Variants in SACM1L observed in about 807,000 individuals in gnomAD.
SACM1L encodes the protein SAC1 like phosphatidylinositide phosphatase.
Under a neutral mutation model 89.5 loss-of-function variants are expected in SACM1L, and 32 were observed. The ratio of observed to expected loss-of-function variants is 0.36; its 90% CI spans 0.27 to 0.48. The LOEUF is 0.48. Ranked by LOEUF, SACM1L falls within the 20% of genes least tolerant of loss-of-function variation. The pLI, the probability that SACM1L is intolerant of heterozygous loss-of-function variation, is 0.99. For missense variants in SACM1L, 543 were observed against 708.5 expected, an observed-to-expected ratio of 0.77 and a Z score of 2.65; for synonymous variants, 213 against 232.8, an observed-to-expected ratio of 0.92 and a Z score of 0.77.
chr3:45,706,259 A>T (rs1291711251), intron 3 of SACM1L, among the ~76,000 whole-genome samples: 1 of 151,788 alleles, frequency 6.6e-6, no homozygotes, highest in Non-Finnish European at 1.5e-5. Context: ...TGTTGTGATG[A>T]CTCCTTGATT....
intron 1 of SACM1L, among the ~76,000 whole-genome samples, chr3:45,699,580 T>C (rs1698217759): frequency 6.6e-6 from 1 of 152,224 alleles, no homozygotes; most frequent in African/African-American, 2.4e-5. Context: ...CAGGCTGGAA[T>C]GCAATGGCAT....
intron 2 of SACM1L, among the ~76,000 whole-genome samples, chr3:45,704,311 G>A (rs957365924): frequency 3.8e-4 from 58 of 152,268 alleles, no homozygotes; most frequent in African/African-American, 1.3e-3. Context: ...GCCTTTGAGT[G>A]GGTGAAGTGA....
At chr3:45,690,646 A>G (rs1697957944) in intron 1 of SACM1L, among the ~76,000 whole-genome samples, 1 of 152,212 alleles carries the variant, frequency 6.6e-6, no homozygotes, top group Admixed American at 6.5e-5. Context: ...TGCTTTTTCT[A>G]CAGTGCACCC....
At chr3:45,731,443 G>C (rs1244562594) in intron 12 of SACM1L, 63 bp downstream of exon 12, 1 of 1,051,328 alleles carries the variant, frequency 9.5e-7, no homozygotes, top group Admixed American at 1.9e-5. Flanking sequence ...ATATATGCAT[G>C]ATTACATAGA....
intron 18 of SACM1L, 74 bp from the exon 19 acceptor site, chr3:45,739,513 A>G (rs1263792744): frequency 8.7e-6 from 11 of 1,269,360 alleles, no homozygotes; most frequent in Middle Eastern, 1.8e-4. Context: ...TTCCCAAGCA[A>G]TGCATGCACA....
chr3:45,695,128 C>T (rs1006709986), intron 1 of SACM1L, among the ~76,000 whole-genome samples: 5 of 152,216 alleles, frequency 3.3e-5, no homozygotes, highest in South Asian at 2.1e-4. Context: ...CACCTTCTGC[C>T]TATGAGTGTA....
Position 45,743,564 on chromosome 3 carries a change from G to A in SACM1L, c.1659G>A (p.Val553=). The A allele has an allele frequency of 6.2e-7, 1 of 1,613,180 alleles. No homozygotes were observed. Among genetic ancestry groups the A allele is most frequent in the Non-Finnish European group, 8.5e-7 (1 of 1,179,754 alleles). Residue 553 remains valine, a synonymous_variant, in exon 20 of 20, where the codon GTG becomes GTA. Transcript: ENST00000389061. ...GDTWTETLAY[V]LFWGVASIGT... ...CTTGGACAGAAACACTGGCCTATGT[G>A]CTCTTCTGGGGAGTTGCAAGCATTG...
intron 11 of SACM1L, among the ~76,000 whole-genome samples, chr3:45,726,080 T>C (rs1430845418): frequency 6.6e-6 from 1 of 152,146 alleles, no homozygotes; most frequent in Non-Finnish European, 1.5e-5. Context: ...TTTTTAAATA[T>C]GCTGCAGAAT....
At chr3:45,716,281 C>G (rs1698658348) in intron 7 of SACM1L, among the ~76,000 whole-genome samples, 1 of 152,058 alleles carries the variant, frequency 6.6e-6, no homozygotes, top group South Asian at 2.1e-4. Context: ...CAAGACCAGC[C>G]TGGAGAACAT....
chr3:45,722,939 G>C lies in SACM1L; in HGVS notation c.836G>C (p.Ser279Thr). The change falls in exon 10 of 20, where the codon AGC becomes ACC. Residue 279 changes from serine (S) to threonine (T), a missense_variant. Physicochemically the swap from Ser to Thr is moderately conservative, Grantham distance 58. This residue lies in a region of SACM1L where 370 missense variants were observed against 527.6 expected (regional missense o/e 0.70). Transcript: ENST00000389061. Reference sequence around the variant, plus strand: ...AAGTACAAACCACTGCCACAGATCAGCAAAGTAGCAAATCACGTGTGTATC... The same window carrying C: ...AAGTACAAACCACTGCCACAGATCACCAAAGTAGCAAATCACGTGTGTATC... Reference protein sequence around the residue: ...NLKYKPLPQISKVANHMDGFQ... With the variant: ...NLKYKPLPQITKVANHMDGFQ... The C allele has an allele frequency of 6.2e-7, 1 of 1,613,094 alleles. No homozygotes were observed. The highest frequency in any genetic ancestry group is 1.1e-5 in the South Asian group (1 of 91,012).
In SACM1L at chr3:45,745,022, CT is replaced by C. The variant is rs1024594880; in HGVS notation, c.*1357del. ...TATAAAACATTAATATAAGTCGTTA[CT>C]TTTAGAAACTAAAGGAAATAATAGC... is the stretch of plus-strand genomic sequence containing the variant. On this transcript the variant is annotated 3_prime_UTR_variant, in exon 20 of 20. Transcript: ENST00000389061. The C allele has an allele frequency of 2.6e-5, 4 of 152,008 alleles. No homozygotes were observed. The highest frequency in any genetic ancestry group is 5.9e-5 in the Non-Finnish European group (4 of 68,008). 9.4% of individuals were successfully genotyped at this position (152,008 alleles called of 1,614,324 possible).
intron 19 of SACM1L, among the ~76,000 whole-genome samples, chr3:45,741,584 T>C (rs1699317423): frequency 6.6e-6 from 1 of 152,216 alleles, no homozygotes; most frequent in Admixed American, 6.5e-5. Flanking sequence ...CTGTCACCTT[T>C]TTGATAGGGA....
chr3:45,734,225 C>A (rs373659401), intron 13 of SACM1L, among the ~76,000 whole-genome samples: 2 of 148,446 alleles, frequency 1.3e-5, no homozygotes, highest in South Asian at 4.2e-4. Context: ...CCAGCTTGGC[C>A]AACATGTCAA....
At chr3:45,730,744 G>C (rs1699033286) in intron 11 of SACM1L, 1 of 152,208 alleles carries the variant, frequency 6.6e-6, no homozygotes, top group African/African-American at 2.4e-5. Context: ...ATATCACCAA[G>C]CTTCTTCTCC....
chr3:45,739,828 G>T, intron 19 of SACM1L, 184 bp downstream of exon 19: 1 of 625,408 alleles, frequency 1.6e-6, no homozygotes, highest in East Asian at 2.7e-5. Flanking sequence ...GTAGTTTGAT[G>T]GTTGTCGTTT....
chr3:45,731,506 A>G (rs940282462), intron 12 of SACM1L, 126 bp downstream of exon 12: 6 of 504,324 alleles, frequency 1.2e-5, no homozygotes, highest in Non-Finnish European at 2.1e-5. Context: ...AGATCAAAGC[A>G]TGATATTTTG....
chr3:45,691,421 T>C (rs1341749036), intron 1 of SACM1L, among the ~76,000 whole-genome samples: 1 of 152,206 alleles, frequency 6.6e-6, no homozygotes, highest in African/African-American at 2.4e-5. Context: ...GAGTATTCTT[T>C]TTTGGATGCA....
In SACM1L at chr3:45,689,628, C is replaced by T. The variant is rs1157459114; in HGVS notation, c.32+131C>T. On this transcript the variant is annotated intron_variant, in intron 1 of 19. Transcript: ENST00000389061. ...GAGCTCCTCGCATTTACCGGTTTTC[C>T]TCAGCCGGCGCGGCCTCTCCTAGGC... 7.8e-6 allele frequency: 9 copies of T among 1,157,628 alleles called. No homozygotes were observed. The East Asian group carries it at 1.0e-4, about 13-fold the overall frequency. 71.7% of individuals were successfully genotyped at this position (1,157,628 alleles called of 1,614,324 possible).
chr3:45,700,213 A>G (rs1698233168), intron 1 of SACM1L, among the ~76,000 whole-genome samples: 1 of 152,214 alleles, frequency 6.6e-6, no homozygotes, highest in South Asian at 2.1e-4. Context: ...AGCTTGGTGA[A>G]TAATAATCTT....
Sources: allele counts gnomAD v4.1 joint callset (sites outside exome capture counted in the v4.1 genomes callset), GRCh38; gene constraint gnomAD v4.1.1; regional missense constraint gnomAD v4.1.1; transcripts MANE v1.5; gene names NCBI Gene and HGNC (gene_info 2026-07-23, HGNC 2026-07-21).